The following WDR27 variants were observed in gnomAD, a reference collection of about 807,000 sequenced individuals.
WDR27 encodes WD repeat-containing protein 27.
A neutral mutation model predicts 114.4 loss-of-function variants in WDR27; 100 were observed. The observed-to-expected ratio is 0.87, with a 90% CI of 0.74 to 1.03. The LOEUF (loss-of-function observed/expected upper bound fraction) is 1.03, where lower values mean the gene tolerates loss of function less well. WDR27 is among the 50% of genes least tolerant of loss of function. The pLI is 0.00. For synonymous variants in WDR27, 449 were observed against 423.1 expected (o/e 1.06, Z -0.75); for missense variants, 1,129 against 1,092.9 (o/e 1.03, Z -0.47).
intron 25 of WDR27, among the ~76,000 whole-genome samples, chr6:169,501,020 C>T (rs1216136555): frequency 1.3e-5 from 2 of 152,226 alleles, no homozygotes; most frequent in African/African-American, 4.8e-5. Flanking sequence ...TCCTTGCCAC[C>T]AAGGCTCCAG....
intron 23 of WDR27, among the ~76,000 whole-genome samples, chr6:169,587,632 A>T (rs1218929705): frequency 6.6e-6 from 1 of 152,170 alleles, no homozygotes; most frequent in Non-Finnish European, 1.5e-5. Context: ...AAAATTATCA[A>T]GCCATCCTTC....
At position 169,684,792 on chromosome 6, in the gene WDR27, C is replaced by T. The variant is rs533408555; in HGVS notation, c.189+4025G>A. ...AGCCAGCTGAGCAGCCTTGTGCCTA[C>T]GTCCAATGCTGGAGAAACAGCCCCA... On this transcript the variant is annotated intron_variant, in intron 2 of 25. Coordinates refer to ENST00000448612, the MANE Select transcript of WDR27 (RefSeq NM_182552.5). The surrounding 1 kb of genome is among the most constrained non-coding windows in gnomAD (Gnocchi z 4.3). Among the ~76,000 whole-genome samples, 75 of 152,326 alleles carry T rather than the reference C, an allele frequency of 4.9e-4. No homozygotes were observed. The highest frequency in any genetic ancestry group is 1.9e-3 in the South Asian group (9 of 4,826).
intron 23 of WDR27, among the ~76,000 whole-genome samples, chr6:169,600,527 G>A (rs1433407400): frequency 6.6e-6 from 1 of 152,054 alleles, no homozygotes; most frequent in African/African-American, 2.4e-5. Flanking sequence ...AGCTAAAGGA[G>A]GAAGTTCGAA....
intron 1 of WDR27, 70 bp from the exon 2 acceptor site, chr6:169,689,082 T>C: frequency 9.8e-7 from 1 of 1,015,434 alleles, no homozygotes; most frequent in Non-Finnish European, 1.4e-6. Flanking sequence ...GTCTATTACC[T>C]ACTGATAGTT....
At chr6:169,624,023 T>C (rs1339056933) in intron 21 of WDR27, among the ~76,000 whole-genome samples, 1 of 152,042 alleles carries the variant, frequency 6.6e-6, no homozygotes, top group Non-Finnish European at 1.5e-5. Context: ...CATGGGGCCC[T>C]GGAGACACCA....
intron 24 of WDR27, among the ~76,000 whole-genome samples, chr6:169,575,623 C>T (rs1219870565): frequency 1.3e-5 from 2 of 152,158 alleles, no homozygotes; most frequent in African/African-American, 2.4e-5. Flanking sequence ...TAACGCAGCC[C>T]GCTCTCTAGG....
At chr6:169,456,967 C>A (rs1056285470), downstream of WDR27, among the ~76,000 whole-genome samples, 6 of 149,100 alleles carry the variant, frequency 4.0e-5, no homozygotes, top group Non-Finnish European at 7.4e-5. The surrounding 1 kb of genome is among the most constrained non-coding windows in gnomAD (Gnocchi z 4.0). Context: ...GCAGAACCCA[C>A]AGTCAGAGAC....
At chr6:169,619,512 T>C (rs1431074744) in intron 21 of WDR27, among the ~76,000 whole-genome samples, 1 of 152,210 alleles carries the variant, frequency 6.6e-6, no homozygotes, top group Non-Finnish European at 1.5e-5. Flanking sequence ...AGCTTGGTTT[T>C]ATACATTTTA....
Position 169,638,548 on chromosome 6 carries a change from T to G in WDR27, c.1860A>C (p.Ala620=), listed in dbSNP as rs775729119. Residue 620 remains alanine, a synonymous_variant, in exon 18 of 26, where the codon GCA becomes GCC. Coordinates refer to ENST00000448612, the MANE Select transcript of WDR27 (RefSeq NM_182552.5). ...RMWSARGAEL[A]LLLGKDMFSK... is the part of the protein sequence containing the mutation. ...GATGACTGTCCATTACCAGAAGCAGTGCGAGCTCTGCCCCACGAGCCGACC... is the reference window on the plus strand; with the variant it reads ...GATGACTGTCCATTACCAGAAGCAGGGCGAGCTCTGCCCCACGAGCCGACC... 1 of 1,610,922 alleles carries G rather than the reference T, an allele frequency of 6.2e-7. No individual in the cohort carries two copies. The highest frequency in any genetic ancestry group is 1.3e-5 in the African/African-American group (1 of 74,858).
At chr6:169,446,032 C>A in the WDR27 span, among the ~76,000 whole-genome samples, 2 of 152,240 alleles carry the variant, frequency 1.3e-5, no homozygotes, top group African/African-American at 4.8e-5. Context: ...CTGTCACTTA[C>A]CCAGTGAAAC....
At chr6:169,448,616 CTT>C in the WDR27 span, among the ~76,000 whole-genome samples, 3 of 152,130 alleles carry the variant, frequency 2.0e-5, no homozygotes, top group Admixed American at 2.0e-4. Flanking sequence ...GTCCTGAGCC[CTT>C]TGCCGAGTGA....
At chr6:169,695,203 G>T (rs1172522268) in intron 1 of WDR27, among the ~76,000 whole-genome samples, 1 of 152,116 alleles carries the variant, frequency 6.6e-6, no homozygotes, top group Non-Finnish European at 1.5e-5. Flanking sequence ...CTAAGAGCAG[G>T]GTTTAAACAA....
At chr6:169,578,037 C>T (rs565073271) in intron 24 of WDR27, among the ~76,000 whole-genome samples, 3 of 152,314 alleles carry the variant, frequency 2.0e-5, no homozygotes, top group Non-Finnish European at 2.9e-5. Flanking sequence ...CCCATTGATT[C>T]CCCTATTCTG....
intron 25 of WDR27, among the ~76,000 whole-genome samples, chr6:169,489,913 T>C (rs73789966): frequency 0.017 from 2,583 of 152,348 alleles, 74 homozygotes; most frequent in African/African-American, 0.059. Context: ...GCTTCCTCCC[T>C]GTGAGCTGTT....
chr6:169,686,601 C>T (rs972818184), intron 2 of WDR27, among the ~76,000 whole-genome samples: 2 of 151,980 alleles, frequency 1.3e-5, no homozygotes, highest in African/African-American at 4.8e-5. Context: ...CAAAAGCAAG[C>T]AGGAGTAGCT....
chr6:169,672,255 C>G lies in WDR27; in HGVS notation c.331G>C (p.Gly111Arg), dbSNP rs367959962. 1 of 1,611,374 alleles carries G rather than the reference C, an allele frequency of 6.2e-7. No homozygotes were observed. Among genetic ancestry groups the G allele is most frequent in the African/African-American group, 1.3e-5 (1 of 74,820 alleles). The change falls in exon 3 of 26, where the codon GGG becomes CGG. Residue 111 changes from glycine (G) to arginine (R), a missense_variant and splice_region_variant. Transcript: ENST00000448612. ...AAACATGTTTTAGATTTTCATTTAC[C>G]TTGAAGTACTTTCTCTCTACATTCA... ...LDECREKVLQGLVPRGTVMGS... is the reference protein window; with the variant it reads ...LDECREKVLQRLVPRGTVMGS...
At chr6:169,461,353 T>C (rs954497148) in intron 25 of WDR27, among the ~76,000 whole-genome samples, 16 of 152,064 alleles carry the variant, frequency 1.1e-4, no homozygotes, top group African/African-American at 3.6e-4. Context: ...CCAAAATAGA[T>C]CATATGTTAA....
intron 22 of WDR27, among the ~76,000 whole-genome samples, chr6:169,610,757 G>A (rs1297112056): frequency 6.6e-6 from 1 of 152,208 alleles, no homozygotes; most frequent in African/African-American, 2.4e-5. Flanking sequence ...CTTGGGTGGA[G>A]CTGGAGGCCA....
intron 6 of WDR27, among the ~76,000 whole-genome samples, chr6:169,665,986 T>C (rs1054918759): frequency 1.3e-5 from 2 of 152,180 alleles, no homozygotes; most frequent in Non-Finnish European, 2.9e-5. Flanking sequence ...ATTATGGACT[T>C]AGTGATGAAA....
Sources: allele counts gnomAD v4.1 joint callset (sites outside exome capture counted in the v4.1 genomes callset), GRCh38; gene constraint gnomAD v4.1.1; non-coding constraint Gnocchi (gnomAD v3.1); transcripts MANE v1.5; gene names NCBI Gene and HGNC (gene_info 2026-07-23, HGNC 2026-07-21).